Variants in PAN3 observed in about 807,000 individuals in gnomAD.
PAN3 encodes the protein poly(A) specific ribonuclease subunit PAN3.
PAN3 carries 19 observed loss-of-function variants against 96.2 expected under a neutral mutation model. The observed-to-expected ratio is 0.20, with a 90% CI of 0.14 to 0.29. The LOEUF (loss-of-function observed/expected upper bound fraction) is 0.29, where lower values mean the gene tolerates loss of function less well. Among genes scored for constraint, PAN3 ranks in the 10% least tolerant of loss-of-function variants. The pLI is 1.00. For missense variants in PAN3, 882 were observed against 1,108.1 expected (o/e 0.80, Z 2.90); for synonymous variants, 433 against 406.6 (o/e 1.06, Z -0.78).
chr13:28,271,497 T>A lies in PAN3; in HGVS notation c.1959-484T>A, dbSNP rs1477332352. On this transcript the variant is annotated intron_variant, in intron 13 of 18. Coordinates refer to ENST00000380958, the MANE Select transcript of PAN3 (RefSeq NM_175854.8). Reference sequence around the variant, plus strand: ...TCGATATGCCGTTGAACAAGTTACTTCTTCAAATTGTGTTTTGACAACCTT... The same window carrying A: ...TCGATATGCCGTTGAACAAGTTACTACTTCAAATTGTGTTTTGACAACCTT... Among the ~76,000 whole-genome samples the A allele has an allele frequency of 3.3e-5, 5 of 152,214 alleles. No individual in the cohort carries two copies. The East Asian group carries it at 7.7e-4, about 23-fold the overall frequency.
intron 6 of PAN3, among the ~76,000 whole-genome samples, chr13:28,229,910 G>T (rs899667284): frequency 2.0e-5 from 3 of 152,120 alleles, no homozygotes; most frequent in Non-Finnish European, 4.4e-5. Context: ...TGATGCTGCT[G>T]CTTGTCCTGG....
At position 28,140,995 on chromosome 13, in the gene PAN3, AAG is replaced by A. The variant is rs1322104423; in HGVS notation, c.430+1912_430+1913del. ...GAACAATAGTTTTCTTACTGACAGA[AAG>A]AGACACTTTTTTTTTTTTTTTTTTT... On this transcript the variant is annotated intron_variant, in intron 1 of 18. Coordinates refer to ENST00000380958, the MANE Select transcript of PAN3 (RefSeq NM_175854.8). 2.6e-4 allele frequency among the ~76,000 whole-genome samples: 36 copies of A among 140,458 alleles called. 1 individual carries two copies. Among genetic ancestry groups the A allele is most frequent in the Admixed American group, 2.5e-3 (36 of 14,484 alleles). The allele number at this position is 140,458 out of a possible 152,430, so 92.1% of individuals were successfully genotyped here.
At chr13:28,232,452 G>A (rs1882675157) in intron 6 of PAN3, 1 of 151,750 alleles carries the variant, frequency 6.6e-6, no homozygotes, top group Non-Finnish European at 1.5e-5. Flanking sequence ...GCATATAGAA[G>A]ATGAAGCTCT....
At chr13:28,173,246 T>C (rs1874531739) in intron 1 of PAN3, among the ~76,000 whole-genome samples, 1 of 152,210 alleles carries the variant, frequency 6.6e-6, no homozygotes, top group Non-Finnish European at 1.5e-5. Flanking sequence ...CTGGGCCTGA[T>C]ATTAAAAGGG....
At chr13:28,170,633 A>G (rs533165469) in intron 1 of PAN3, among the ~76,000 whole-genome samples, 33 of 152,336 alleles carry the variant, frequency 2.2e-4, no homozygotes, top group Non-Finnish European at 4.0e-4. Flanking sequence ...TTTTGGAGTA[A>G]CCATTCTATT....
intron 5 of PAN3, among the ~76,000 whole-genome samples, chr13:28,205,861 T>TAAA (rs369273234): frequency 2.3e-5 from 3 of 133,156 alleles, no homozygotes; most frequent in Non-Finnish European, 4.9e-5. Context: ...AACTGTTTCT[T>TAAA]AAAAAAAAAA....
intron 1 of PAN3, among the ~76,000 whole-genome samples, chr13:28,165,232 T>A (rs1342555504): frequency 6.6e-6 from 1 of 151,992 alleles, no homozygotes; most frequent in Non-Finnish European, 1.5e-5. Context: ...AGGTATAGGA[T>A]CCTTTGGTCC....
intron 5 of PAN3, among the ~76,000 whole-genome samples, chr13:28,200,522 G>T (rs1330904634): frequency 6.6e-6 from 1 of 152,140 alleles, no homozygotes; most frequent in African/African-American, 2.4e-5. Context: ...ATTCTCTTCA[G>T]TGCTGGATTT....
chr13:28,153,755 C>A (rs985584426), intron 1 of PAN3, among the ~76,000 whole-genome samples: 3 of 152,128 alleles, frequency 2.0e-5, no homozygotes, highest in Non-Finnish European at 4.4e-5. Flanking sequence ...CAGATGCTAG[C>A]TTACTACAAG....
chr13:28,165,661 A>G (rs534377834), intron 1 of PAN3, among the ~76,000 whole-genome samples: 1 of 152,274 alleles, frequency 6.6e-6, no homozygotes, highest in South Asian at 2.1e-4. Context: ...TCATTTCTGC[A>G]GCTCTTAACA....
chr13:28,202,966 A>G (rs1878917341), intron 5 of PAN3, among the ~76,000 whole-genome samples: 1 of 151,452 alleles, frequency 6.6e-6, no homozygotes, highest in Non-Finnish European at 1.5e-5. Context: ...TTTCTTTCTT[A>G]ATTTTTTTTC....
At chr13:28,153,371 G>C (rs1871654988) in intron 1 of PAN3, among the ~76,000 whole-genome samples, 1 of 151,718 alleles carries the variant, frequency 6.6e-6, no homozygotes. Context: ...GAGTAGCTGG[G>C]ATTATAGGCA....
At chr13:28,254,690 G>C (rs143360001) in intron 6 of PAN3, among the ~76,000 whole-genome samples, 1 of 151,640 alleles carries the variant, frequency 6.6e-6, no homozygotes, top group African/African-American at 2.4e-5. Flanking sequence ...TATAAATATA[G>C]TAATTTGGCT....
rs754982195 is a variant in PAN3, at chr13:28,292,833, CTT to C, written c.*315_*316del. 5.6e-6 allele frequency: 1 copy of C among 178,200 alleles called. No individual in the cohort carries two copies. Among genetic ancestry groups the C allele is most frequent in the Non-Finnish European group, 1.2e-5 (1 of 85,096 alleles). The allele number at this position is 178,200 out of a possible 1,614,324, so 11.0% of individuals were successfully genotyped here. ...TGCACTAATTTTAATTTTTTAAAGACTTTTTCTGATCTTTGAACTTTTGCCAC... is the reference window on the plus strand; with the variant it reads ...TGCACTAATTTTAATTTTTTAAAGACTTTCTGATCTTTGAACTTTTGCCAC... On this transcript the variant is annotated 3_prime_UTR_variant, in exon 19 of 19. Transcript: ENST00000380958.
chr13:28,257,737 AATTATAT>A lies in PAN3; in HGVS notation c.1248+1201_1248+1207del, dbSNP rs1566235106. On this transcript the variant is annotated intron_variant, in intron 7 of 18. Coordinates refer to ENST00000380958, the MANE Select transcript of PAN3 (RefSeq NM_175854.8). ...ATATAATTAATATATATTATATATA[AATTATAT>A]ATAATATATAATTAATTATATATTA... 1.6e-3 allele frequency among the ~76,000 whole-genome samples: 173 copies of A among 110,546 alleles called. 2 individuals are homozygous for A. In the South Asian group the frequency reaches 0.043, roughly 27 times the overall value. 72.5% of individuals were successfully genotyped at this position (110,546 alleles called of 152,430 possible). A position where few individuals can be genotyped will look rare whatever the true frequency, so the allele number is the denominator to read the frequency against.
At chr13:28,175,981 G>A (rs898051237) in intron 2 of PAN3, among the ~76,000 whole-genome samples, 1 of 152,174 alleles carries the variant, frequency 6.6e-6, no homozygotes, top group African/African-American at 2.4e-5. Context: ...TTGTGGGCAT[G>A]GGATGAAGGG....
chr13:28,288,227 TA>T, intron 18 of PAN3, 105 bp downstream of exon 18: 1 of 995,896 alleles, frequency 1.0e-6, no homozygotes, highest in East Asian at 2.7e-5. Context: ...GATGTACTCT[TA>T]AAGTAGCCTG....
At chr13:28,252,678 A>G (rs1223487260) in intron 6 of PAN3, among the ~76,000 whole-genome samples, 1 of 152,120 alleles carries the variant, frequency 6.6e-6, no homozygotes, top group Non-Finnish European at 1.5e-5. Context: ...TTACTTTTAA[A>G]TATCTCAGTT....
At chr13:28,216,466 A>G (rs1880787424) in intron 5 of PAN3, among the ~76,000 whole-genome samples, 1 of 152,152 alleles carries the variant, frequency 6.6e-6, no homozygotes, top group Non-Finnish European at 1.5e-5. Flanking sequence ...AGTTTTAAGT[A>G]TGTGCAGTGT....
Sources: allele counts gnomAD v4.1 joint callset (sites outside exome capture counted in the v4.1 genomes callset), GRCh38; gene constraint gnomAD v4.1.1; transcripts MANE v1.5; gene names NCBI Gene and HGNC (gene_info 2026-07-23, HGNC 2026-07-21).